Variants in CLIC5 observed in about 807,000 individuals in gnomAD.
CLIC5 encodes chloride intracellular channel protein 5.
A neutral mutation model predicts 24.7 loss-of-function variants in CLIC5; 20 were observed. That is an observed-to-expected ratio of 0.81 (90% CI 0.57 to 1.18). CLIC5 has a LOEUF of 1.18. Ranked by LOEUF, CLIC5 falls within the 50% of genes most tolerant of loss-of-function variation. CLIC5 has a pLI of 0.00. For missense variants in CLIC5, 341 were observed against 326.1 expected (o/e 1.05, Z -0.35); for synonymous variants, 159 against 135.6 (o/e 1.17, Z -1.20).
At chr6:45,992,468 C>T (rs989659039) in intron 1 of CLIC5, among the ~76,000 whole-genome samples, 1 of 152,166 alleles carries the variant, frequency 6.6e-6, no homozygotes, top group East Asian at 1.9e-4. Flanking sequence ...AAATCCTTCA[C>T]GGAGAGATTC....
intron 4 of CLIC5, among the ~76,000 whole-genome samples, chr6:45,939,348 G>C (rs1007851899): frequency 2.0e-5 from 3 of 151,668 alleles, no homozygotes; most frequent in African/African-American, 7.3e-5. Context: ...CAAGAAGCTG[G>C]GACTACAGGC....
chr6:45,973,123 A>G (rs1765257689), intron 1 of CLIC5, among the ~76,000 whole-genome samples: 1 of 152,062 alleles, frequency 6.6e-6, no homozygotes, highest in Non-Finnish European at 1.5e-5. Context: ...AGCCAACCAA[A>G]CCTAGAGTCA....
At chr6:46,008,777 C>T (rs1050332994) in intron 1 of CLIC5, among the ~76,000 whole-genome samples, 2 of 152,086 alleles carry the variant, frequency 1.3e-5, no homozygotes, top group African/African-American at 4.8e-5. Flanking sequence ...TTCTTTCCTC[C>T]CTTTTCTGGT....
intron 1 of CLIC5, among the ~76,000 whole-genome samples, chr6:45,972,518 C>A (rs1222580122): frequency 6.6e-6 from 1 of 152,130 alleles, no homozygotes; most frequent in Non-Finnish European, 1.5e-5. Context: ...CAGAAAAGGC[C>A]CTAAGAGGGA....
chr6:45,926,433 T>C (rs1276960533), intron 4 of CLIC5, among the ~76,000 whole-genome samples: 1 of 150,680 alleles, frequency 6.6e-6, no homozygotes, highest in African/African-American at 2.4e-5. Flanking sequence ...TTTTTTTGTA[T>C]TTTTAGTAGA....
rs368327902 is a variant in CLIC5, at chr6:46,069,142, G to T, written c.540+10561C>A. Among the ~76,000 whole-genome samples the T allele has an allele frequency of 2.0e-5, 3 of 152,256 alleles. No homozygotes were observed. The East Asian group carries it at 5.8e-4, about 29-fold the overall frequency. On this transcript the variant is annotated intron_variant, in intron 1 of 5. Coordinates refer to the CLIC5 transcript ENST00000185206. ...AGTGTGCAGGGAAGTACAGGCTAGT[G>T]AATGTTTTTAAGACACAGGGTGAAT...
At chr6:46,076,050 ACT>A (rs1436791505) in intron 1 of CLIC5, among the ~76,000 whole-genome samples, 1 of 152,070 alleles carries the variant, frequency 6.6e-6, no homozygotes, top group African/African-American at 2.4e-5. Flanking sequence ...TTTCCCTGTT[ACT>A]GTGTCTACCC....
chr6:46,080,288 C>T (rs1450357294), exon 1 of CLIC5: 2 of 1,487,454 alleles, frequency 1.3e-6, no homozygotes, highest in Non-Finnish European at 1.8e-6. Context: ...CTGAGTAGAT[C>T]TGAAATGAAT....
At chr6:45,978,420 T>C (rs1252823854) in intron 1 of CLIC5, among the ~76,000 whole-genome samples, 4 of 152,234 alleles carry the variant, frequency 2.6e-5, no homozygotes, top group East Asian at 3.8e-4. Context: ...TTAAATATTT[T>C]AAATATTTCA....
chr6:45,896,929 C>A (rs1762401060), downstream of CLIC5, among the ~76,000 whole-genome samples: 1 of 152,166 alleles, frequency 6.6e-6, no homozygotes. Flanking sequence ...ACCACCACAA[C>A]CAACTTGGCT....
intron 1 of CLIC5, among the ~76,000 whole-genome samples, chr6:46,079,496 G>A (rs1389555064): frequency 3.3e-5 from 5 of 152,170 alleles, no homozygotes; most frequent in African/African-American, 4.8e-5. Flanking sequence ...GATTAAATAC[G>A]TGCTTTAAAT....
intron 3 of CLIC5, among the ~76,000 whole-genome samples, chr6:45,947,351 A>G (rs16874013): frequency 0.067 from 10,140 of 152,126 alleles, 435 homozygotes; most frequent in South Asian, 0.14. Flanking sequence ...GCTCTGGGAG[A>G]TATCCTGTCA....
intron 1 of CLIC5, among the ~76,000 whole-genome samples, chr6:46,064,122 C>T (rs561662055): frequency 7.9e-5 from 12 of 151,948 alleles, no homozygotes; most frequent in Admixed American, 1.3e-4. Flanking sequence ...GCTATATAAA[C>T]ATACATCTTA....
In CLIC5 at chr6:46,001,115, T is replaced by C. The variant is rs559294510; in HGVS notation, c.63+14365A>G. Among the ~76,000 whole-genome samples the C allele has an allele frequency of 3.9e-5, 6 of 152,316 alleles. No individual in the cohort carries two copies. The South Asian group carries it at 1.2e-3, about 32-fold the overall frequency. Reference sequence around the variant, plus strand: ...ATGGAAAATGCTTTCTGAGGAGTGTTAGGCCTAGATAAGCCTCTTATCATC... The same window carrying C: ...ATGGAAAATGCTTTCTGAGGAGTGTCAGGCCTAGATAAGCCTCTTATCATC... On this transcript the variant is annotated intron_variant, in intron 1 of 5. Transcript: ENST00000339561.
chr6:46,056,659 C>G (rs1013606907), intron 1 of CLIC5, among the ~76,000 whole-genome samples: 1 of 152,158 alleles, frequency 6.6e-6, no homozygotes, highest in Non-Finnish European at 1.5e-5. Context: ...TCCCCCTACA[C>G]CACAGAGACC....
chr6:46,049,067 GT>G (rs1354087876), intron 1 of CLIC5, among the ~76,000 whole-genome samples: 1 of 152,192 alleles, frequency 6.6e-6, no homozygotes, highest in Non-Finnish European at 1.5e-5. Context: ...AACTACTAGG[GT>G]AAGGCAGATT....
chr6:45,964,833 T>C (rs1764966054), intron 1 of CLIC5, among the ~76,000 whole-genome samples: 1 of 152,192 alleles, frequency 6.6e-6, no homozygotes. Context: ...GGCTGGTTTG[T>C]TACTCAGCAG....
intron 1 of CLIC5, among the ~76,000 whole-genome samples, chr6:46,072,698 G>T (rs909260679): frequency 6.6e-6 from 1 of 152,016 alleles, no homozygotes; most frequent in African/African-American, 2.4e-5. Context: ...TTTCATGAAG[G>T]TTTCTTCCCA....
chr6:45,886,654 G>A (rs1341615115), intron 6 of CLIC5, among the ~76,000 whole-genome samples: 1 of 152,168 alleles, frequency 6.6e-6, no homozygotes, highest in African/African-American at 2.4e-5. Flanking sequence ...TGCCAAATAA[G>A]TAAGTCCTCC....
Sources: allele counts gnomAD v4.1 joint callset (sites outside exome capture counted in the v4.1 genomes callset), GRCh38; gene constraint gnomAD v4.1.1; transcripts MANE v1.5; gene names NCBI Gene and HGNC (gene_info 2026-07-23, HGNC 2026-07-21).